ANO2: variants seen among roughly 807,000 people sequenced by gnomAD.
ANO2 encodes anoctamin-2.
ANO2 carries 101 observed loss-of-function variants against 124.2 expected under a neutral mutation model. The observed-to-expected ratio is 0.81, with a 90% CI of 0.69 to 0.96. ANO2 has a LOEUF of 0.96. ANO2 is among the 40% of genes least tolerant of loss of function. The pLI is 0.00. For missense variants in ANO2, 1,293 were observed against 1,274.5 expected (o/e 1.01, Z -0.22); for synonymous variants, 486 against 482.5 (o/e 1.01, Z -0.09).
At chr12:5,876,523 A>G (rs552415251) in intron 3 of ANO2, among the ~76,000 whole-genome samples, 1 of 152,338 alleles carries the variant, frequency 6.6e-6, no homozygotes, top group African/African-American at 2.4e-5. Flanking sequence ...ATAAAGACAC[A>G]TGTACTTTTA....
intron 5 of ANO2, among the ~76,000 whole-genome samples, chr12:5,831,068 T>G (rs1954134531): frequency 6.6e-6 from 1 of 152,248 alleles, no homozygotes; most frequent in African/African-American, 2.4e-5. Flanking sequence ...GGTCTGTTTT[T>G]AACTTCATAT....
intron 14 of ANO2, among the ~76,000 whole-genome samples, chr12:5,676,590 T>C (rs1162815994): frequency 6.6e-6 from 1 of 152,196 alleles, no homozygotes; most frequent in Non-Finnish European, 1.5e-5. Context: ...AAAGAACTTA[T>C]GTGAGTTTCC....
intron 1 of ANO2, among the ~76,000 whole-genome samples, chr12:5,937,928 A>ATGTTAGGACATGTG (rs111245613): frequency 0.097 from 14,788 of 152,112 alleles, 1,147 homozygotes; most frequent in African/African-American, 0.21. Context: ...CATGTCTGGA[A>ATGTTAGGACATGTG]TGTTAGGACA....
intron 7 of ANO2, among the ~76,000 whole-genome samples, chr12:5,826,414 G>A (rs1448031600): frequency 4.8e-5 from 7 of 144,754 alleles, no homozygotes; most frequent in South Asian, 4.4e-4. Flanking sequence ...CATTTGAGTC[G>A]GTGGGCTAAT....
At chr12:5,782,370 C>A (rs1470138864) in intron 10 of ANO2, among the ~76,000 whole-genome samples, 3 of 152,066 alleles carry the variant, frequency 2.0e-5, no homozygotes, top group Non-Finnish European at 2.9e-5. Context: ...TTGGGTATTG[C>A]ATTTTTATTA....
Position 5,832,521 on chromosome 12 carries a change from C to T in ANO2, c.716G>A (p.Arg239Gln), listed in dbSNP as rs748663040. Residue 239 changes from arginine to glutamine, a missense_variant, in exon 5 of 25, where the codon CGA becomes CAA. By Grantham distance (43) the Arg-to-Gln change is conservative (BLOSUM62 1). Transcript: ENST00000682330. The stretch of plus-strand genomic sequence containing the variant: ...CTTGTTGTTGCTGTGTTCTGGAACT[C>T]GGGGCTGCAGGTGCGAGCTCAGCTT... ...LQKLSSHLQP[R>Q]VPEHSNNKMK... The T allele has an allele frequency of 5.0e-6, 8 of 1,613,824 alleles. No homozygotes were observed. The highest frequency in any genetic ancestry group is 6.8e-6 in the Non-Finnish European group (8 of 1,179,892).
At chr12:5,795,574 T>C (rs1391235295) in intron 10 of ANO2, among the ~76,000 whole-genome samples, 1 of 152,246 alleles carries the variant, frequency 6.6e-6, no homozygotes, top group Non-Finnish European at 1.5e-5. Context: ...CTCTTTCCCA[T>C]GCTGTCACAG....
At chr12:5,781,017 A>G (rs1952376675) in intron 10 of ANO2, among the ~76,000 whole-genome samples, 1 of 152,222 alleles carries the variant, frequency 6.6e-6, no homozygotes, top group Non-Finnish European at 1.5e-5. Flanking sequence ...TTCATCATAG[A>G]AAGTGTGAGA....
intron 10 of ANO2, among the ~76,000 whole-genome samples, chr12:5,788,200 A>ATG (rs1952592388): frequency 2.6e-5 from 4 of 152,252 alleles, no homozygotes; most frequent in Non-Finnish European, 5.9e-5. Flanking sequence ...CACAATCCAC[A>ATG]GCCCAGAGCC....
chr12:5,859,838 C>T (rs1277515801), intron 3 of ANO2, among the ~76,000 whole-genome samples: 1 of 152,104 alleles, frequency 6.6e-6, no homozygotes, highest in African/African-American at 2.4e-5. Context: ...CTGACCTGTC[C>T]ATTTCTTTTA....
In ANO2 at chr12:5,732,538, CGT is replaced by C; in HGVS notation, c.1525_1526del (p.Thr509AspfsTer6). On this transcript the variant is annotated frameshift_variant, in exon 14 of 25. Transcript: ENST00000682330. LOFTEE classifies it high-confidence loss of function. ...TTCATACCTCATCGCCACACTCCGT[CGT>C]GTTTGTTTCCAATTTCTGGACAGCA... ...QSAVQKLETN[T>X]TECGDEDDED... 1 of 1,613,472 alleles carries C rather than the reference CGT, an allele frequency of 6.2e-7. No homozygotes were observed. The highest frequency in any genetic ancestry group is 8.5e-7 in the Non-Finnish European group (1 of 1,179,668).
At chr12:5,767,739 C>T (rs142362738) in intron 10 of ANO2, among the ~76,000 whole-genome samples, 11 of 152,222 alleles carry the variant, frequency 7.2e-5, no homozygotes, top group African/African-American at 2.2e-4. Context: ...CCCTTCCCCC[C>T]CATCTGCTTT....
chr12:5,802,920 A>T (rs1237383342), intron 9 of ANO2, among the ~76,000 whole-genome samples: 1 of 152,242 alleles, frequency 6.6e-6, no homozygotes, highest in Non-Finnish European at 1.5e-5. Flanking sequence ...TGGATCAGAG[A>T]TAGAAGCAGC....
chr12:5,679,616 A>G (rs1038984046), intron 14 of ANO2, among the ~76,000 whole-genome samples: 6 of 152,246 alleles, frequency 3.9e-5, no homozygotes, highest in African/African-American at 7.2e-5. Flanking sequence ...CAGAATGGCT[A>G]TCATTAAAAA....
At chr12:5,846,097 A>T (rs978530719) in intron 4 of ANO2, among the ~76,000 whole-genome samples, 2 of 152,240 alleles carry the variant, frequency 1.3e-5, no homozygotes, top group African/African-American at 4.8e-5. Flanking sequence ...AGATGCTAAT[A>T]TCCTTCTTTG....
chr12:5,846,057 A>G (rs1954676946), intron 4 of ANO2, among the ~76,000 whole-genome samples: 1 of 152,252 alleles, frequency 6.6e-6, no homozygotes, highest in Admixed American at 6.5e-5. Context: ...AGTCAAATGT[A>G]AGAATTATGA....
At chr12:5,938,970 G>C (rs1942775572) in intron 1 of ANO2, among the ~76,000 whole-genome samples, 1 of 151,614 alleles carries the variant, frequency 6.6e-6, no homozygotes, top group Non-Finnish European at 1.5e-5. Context: ...TGTAATCCTA[G>C]CACTTTGAGA....
At position 5,904,426 on chromosome 12, in the gene ANO2, G is replaced by A. The variant is rs745527186; in HGVS notation, c.534+16614C>T. Among the ~76,000 whole-genome samples the A allele has an allele frequency of 7.9e-4, 121 of 152,332 alleles. No homozygotes were observed. Among genetic ancestry groups the A allele is most frequent in the Non-Finnish European group, 1.3e-3 (87 of 68,024 alleles). On this transcript the variant is annotated intron_variant, in intron 3 of 24. Coordinates refer to ENST00000682330, the MANE Select transcript of ANO2 (RefSeq NM_001364791.2). The surrounding 1 kb of genome is among the most constrained non-coding windows in gnomAD (Gnocchi z 4.1). Reference sequence around the variant, plus strand: ...AGGGAGAGTGATGGGAAAACCACATGGAAGGGAAGCCACAGAAGAGGAAGG... The same window carrying A: ...AGGGAGAGTGATGGGAAAACCACATAGAAGGGAAGCCACAGAAGAGGAAGG...
At chr12:5,751,765 T>A (rs190105446) in intron 10 of ANO2, among the ~76,000 whole-genome samples, 1 of 152,346 alleles carries the variant, frequency 6.6e-6, no homozygotes, top group African/African-American at 2.4e-5. Context: ...GTTAGCAGAT[T>A]TTTAAGTATA....
Sources: gnomAD v4.1 joint callset for allele counts (sites outside exome capture counted in the v4.1 genomes callset) on GRCh38, gnomAD v4.1.1 for gene constraint, Gnocchi (gnomAD v3.1) non-coding constraint, MANE v1.5 for transcripts, NCBI Gene and HGNC (gene_info 2026-07-23, HGNC 2026-07-21) for gene names.